Variants in PSMA1 observed in about 807,000 individuals in gnomAD.
PSMA1 encodes proteasome subunit alpha type-1.
PSMA1 carries 3 observed loss-of-function variants against 38.4 expected under a neutral mutation model. The observed-to-expected ratio is 0.08, with a 90% CI of 0.04 to 0.20. The LOEUF (loss-of-function observed/expected upper bound fraction) is 0.20, where lower values mean the gene tolerates loss of function less well. Ranked by LOEUF, PSMA1 falls within the 10% of genes least tolerant of loss-of-function variation. The pLI is 1.00. For missense variants in PSMA1, 227 were observed against 325.3 expected (o/e 0.70, Z 2.32); for synonymous variants, 101 against 107.1 (o/e 0.94, Z 0.35).
intron 2 of PSMA1, among the ~76,000 whole-genome samples, chr11:14,564,069 C>T (rs1005405891): frequency 6.6e-6 from 1 of 152,038 alleles, no homozygotes; most frequent in African/African-American, 2.4e-5. Context: ...CCCAATTACC[C>T]CTAATGGTAA....
intron 2 of PSMA1, among the ~76,000 whole-genome samples, chr11:14,552,825 T>A (rs1379991563): frequency 6.7e-6 from 1 of 149,196 alleles, no homozygotes; most frequent in Non-Finnish European, 1.5e-5. Flanking sequence ...TATAACTTTT[T>A]TTTTTTTTTT....
At chr11:14,511,390 A>G (rs980751631) in intron 7 of PSMA1, among the ~76,000 whole-genome samples, 1 of 152,130 alleles carries the variant, frequency 6.6e-6, no homozygotes, top group Non-Finnish European at 1.5e-5. Context: ...ATGCAAAAAC[A>G]AAACAAAACA....
intron 1 of PSMA1, chr11:14,611,175 A>G (rs917138034): frequency 6.6e-5 from 38 of 577,732 alleles, no homozygotes; most frequent in Non-Finnish European, 1.2e-5. Flanking sequence ...GAGAAGGTAA[A>G]AGGAACATGA....
intron 2 of PSMA1, 41 bp downstream of exon 2, chr11:14,518,956 A>G (rs1851479676): frequency 1.3e-6 from 2 of 1,492,040 alleles, no homozygotes; most frequent in Admixed American, 2.2e-5. Flanking sequence ...TGCAGCCACA[A>G]AAAGCCACTT....
intron 2 of PSMA1, among the ~76,000 whole-genome samples, chr11:14,569,594 C>T (rs977265489): frequency 8.5e-5 from 13 of 152,204 alleles, no homozygotes; most frequent in Non-Finnish European, 1.5e-4. Flanking sequence ...CCCACACCCA[C>T]GGAGCCTCAC....
At chr11:14,625,471 A>C (rs1852899175) in intron 1 of PSMA1, among the ~76,000 whole-genome samples, 1 of 152,114 alleles carries the variant, frequency 6.6e-6, no homozygotes, top group South Asian at 2.1e-4. Flanking sequence ...TTGTCACTCA[A>C]ATCTTCTGCT....
At chr11:14,614,761 T>G (rs1852751143) in intron 1 of PSMA1, among the ~76,000 whole-genome samples, 1 of 152,196 alleles carries the variant, frequency 6.6e-6, no homozygotes, top group South Asian at 2.1e-4. Flanking sequence ...TCACTGCCAC[T>G]GCTTTAGTTC....
intron 2 of PSMA1, among the ~76,000 whole-genome samples, chr11:14,610,149 CT>C (rs1234428566): frequency 1.3e-5 from 2 of 152,182 alleles, no homozygotes. Context: ...ATACTATCTG[CT>C]TTCTCAGAGA....
intron 2 of PSMA1, among the ~76,000 whole-genome samples, chr11:14,584,322 G>T (rs1254929461): frequency 1.3e-5 from 2 of 152,050 alleles, no homozygotes; most frequent in African/African-American, 4.8e-5. Context: ...GAGGTAAAAG[G>T]ACCTCTCTTT....
chr11:14,513,598 C>T lies in PSMA1; in HGVS notation c.516G>A (p.Leu172=). 6.4e-7 allele frequency: 1 copy of T among 1,565,064 alleles called. No homozygotes were observed. The highest frequency in any genetic ancestry group is 8.6e-7 in the Non-Finnish European group (1 of 1,164,512). ...GARSQSARTY[L]ERHMSEFMEC... is the part of the protein sequence containing the mutation. Reference sequence around the variant, plus strand: ...CCATAAATTCAGACATATGTCTCTCCAAGTAAGTACGAGCTGATTGGGAAC... The same window carrying T: ...CCATAAATTCAGACATATGTCTCTCTAAGTAAGTACGAGCTGATTGGGAAC... Residue 172 remains leucine (L), a synonymous_variant, in exon 7 of 10, where the codon TTG becomes TTA. Coordinates refer to ENST00000396394, the MANE Select transcript of PSMA1 (RefSeq NM_002786.4).
intron 2 of PSMA1, among the ~76,000 whole-genome samples, chr11:14,558,249 C>CAA (rs35509045): frequency 0.091 from 6,988 of 77,190 alleles, 491 homozygotes; most frequent in Middle Eastern, 0.12. Context: ...CCCATCTGCA[C>CAA]AAAAAAAAAA....
intron 9 of PSMA1, 45 bp from the exon 10 acceptor site, chr11:14,505,293 G>C (rs751880336): frequency 1.4e-6 from 2 of 1,454,424 alleles, no homozygotes. Context: ...ATGAACACTT[G>C]ATCAATATAC....
chr11:14,599,470 C>G (rs1371848998), intron 2 of PSMA1, among the ~76,000 whole-genome samples: 1 of 152,096 alleles, frequency 6.6e-6, no homozygotes, highest in Non-Finnish European at 1.5e-5. Flanking sequence ...CTTGTTTTCT[C>G]ACTTTATTTC....
intron 7 of PSMA1, among the ~76,000 whole-genome samples, chr11:14,511,914 G>A (rs1851350829): frequency 6.6e-6 from 1 of 152,140 alleles, no homozygotes; most frequent in African/African-American, 2.4e-5. Context: ...CAAGATTGCA[G>A]GATATAAGAT....
intron 2 of PSMA1, among the ~76,000 whole-genome samples, chr11:14,607,998 A>G (rs529897241): frequency 5.8e-4 from 88 of 152,296 alleles, no homozygotes; most frequent in African/African-American, 2.1e-3. Context: ...TAACATGTAT[A>G]TAGCCCATCA....
chr11:14,586,963 T>G (rs1023167491), intron 2 of PSMA1, among the ~76,000 whole-genome samples: 1 of 152,176 alleles, frequency 6.6e-6, no homozygotes, highest in Admixed American at 6.5e-5. Context: ...GGTTCCACTA[T>G]GTTGGCCAGG....
At chr11:14,576,907 C>T (rs1454060775) in intron 2 of PSMA1, among the ~76,000 whole-genome samples, 5 of 152,138 alleles carry the variant, frequency 3.3e-5, no homozygotes, top group Admixed American at 2.6e-4. Flanking sequence ...TCTTCCTATC[C>T]GTGAGCATGG....
intron 2 of PSMA1, among the ~76,000 whole-genome samples, chr11:14,603,569 G>A (rs1302493442): frequency 1.3e-5 from 2 of 152,170 alleles, no homozygotes; most frequent in East Asian, 3.9e-4. Flanking sequence ...GAATTTTCCT[G>A]TTATTTGCAA....
intron 2 of PSMA1, among the ~76,000 whole-genome samples, chr11:14,595,430 T>G (rs1852476282): frequency 6.6e-6 from 1 of 152,230 alleles, no homozygotes; most frequent in African/African-American, 2.4e-5. Context: ...TCCTGACTTT[T>G]TAATGACTGC....
Sources: allele counts gnomAD v4.1 joint callset (sites outside exome capture counted in the v4.1 genomes callset), GRCh38; gene constraint gnomAD v4.1.1; transcripts MANE v1.5; gene names NCBI Gene and HGNC (gene_info 2026-07-23, HGNC 2026-07-21).